The following RAB28 variants were observed in gnomAD, a reference collection of about 807,000 sequenced individuals.
RAB28 encodes the protein ras-related protein Rab-28.
Under a neutral mutation model 31.7 loss-of-function variants are expected in RAB28, and 24 were observed. That is an observed-to-expected ratio of 0.76 (90% CI 0.55 to 1.06). The LOEUF is 1.06. Among genes scored for constraint, RAB28 ranks in the 50% least tolerant of loss-of-function variants. The pLI, the probability that RAB28 is intolerant of heterozygous loss-of-function variation, is 0.00. For synonymous variants in RAB28, 100 were observed against 90.4 expected (o/e 1.11, Z -0.60); for missense variants, 254 against 258.5 (o/e 0.98, Z 0.12).
At chr4:13,453,485 T>C (rs1715085953) in intron 4 of RAB28, among the ~76,000 whole-genome samples, 1 of 152,206 alleles carries the variant, frequency 6.6e-6, no homozygotes, top group Non-Finnish European at 1.5e-5. Flanking sequence ...GGTTACTGTC[T>C]TTGAACTTCC....
At chr4:13,441,126 G>T (rs2108941151) in intron 4 of RAB28, among the ~76,000 whole-genome samples, 1 of 152,226 alleles carries the variant, frequency 6.6e-6, no homozygotes, top group South Asian at 2.1e-4. Context: ...TCTTGTTGTG[G>T]AAGTAAGATG....
chr4:13,467,194 A>G (rs1331366906), intron 3 of RAB28, among the ~76,000 whole-genome samples: 1 of 152,096 alleles, frequency 6.6e-6, no homozygotes, highest in Non-Finnish European at 1.5e-5. Context: ...TAAAAAAGTT[A>G]TAAGTACTTG....
At chr4:13,453,459 G>A (rs1080002) in intron 4 of RAB28, among the ~76,000 whole-genome samples, 8,520 of 151,988 alleles carry the variant, frequency 0.056, 547 homozygotes, top group African/African-American at 0.16. Flanking sequence ...TTAGTTTCAC[G>A]TGTTCTCATG....
chr4:13,404,242 G>C (rs972484478), intron 4 of RAB28, among the ~76,000 whole-genome samples: 2 of 152,146 alleles, frequency 1.3e-5, no homozygotes, highest in Non-Finnish European at 2.9e-5. Flanking sequence ...GCCAGGCGGG[G>C]TGGCGCATGC....
chr4:13,420,223 T>C (rs575631366), intron 4 of RAB28, among the ~76,000 whole-genome samples: 2 of 152,280 alleles, frequency 1.3e-5, no homozygotes, highest in African/African-American at 4.8e-5. Context: ...GCTGAATCTC[T>C]GAATAGACCA....
intron 6 of RAB28, among the ~76,000 whole-genome samples, chr4:13,372,921 G>T (rs1480936447): frequency 6.6e-6 from 1 of 151,910 alleles, no homozygotes; most frequent in African/African-American, 2.4e-5. Context: ...AATTTGAGGG[G>T]ACAATAAGGA....
intron 4 of RAB28, among the ~76,000 whole-genome samples, chr4:13,399,238 C>T (rs1338993435): frequency 2.0e-5 from 3 of 152,082 alleles, no homozygotes; most frequent in Non-Finnish European, 2.9e-5. Flanking sequence ...ATTTTTCGTG[C>T]GTATTGTTTC....
chr4:13,474,652 C>G (rs1441482917), intron 2 of RAB28, among the ~76,000 whole-genome samples: 1 of 151,372 alleles, frequency 6.6e-6, no homozygotes, highest in African/African-American at 2.4e-5. Flanking sequence ...ACCTTCAAAA[C>G]AAAAGAAAAT....
chr4:13,478,526 T>A (rs1015430169), intron 2 of RAB28, among the ~76,000 whole-genome samples: 25 of 151,570 alleles, frequency 1.6e-4, no homozygotes, highest in African/African-American at 6.0e-4. Context: ...TTAACATATT[T>A]CAATAATAAT....
intron 4 of RAB28, among the ~76,000 whole-genome samples, chr4:13,455,257 G>C (rs1368290739): frequency 6.6e-6 from 1 of 152,204 alleles, no homozygotes; most frequent in Admixed American, 6.5e-5. Flanking sequence ...ACCAGCCTGA[G>C]GGTATGTAAG....
At chr4:13,390,900 TAATTCA>T (rs1729598771) in intron 4 of RAB28, among the ~76,000 whole-genome samples, 1 of 152,082 alleles carries the variant, frequency 6.6e-6, no homozygotes, top group African/African-American at 2.4e-5. Context: ...ATACAAAAAT[TAATTCA>T]AGATGGATTA....
At chr4:13,483,957 G>T in intron 1 of RAB28, 119 bp downstream of exon 1, 1 of 937,940 alleles carries the variant, frequency 1.1e-6, no homozygotes, top group Non-Finnish European at 1.6e-6. Flanking sequence ...AACCAGAAGG[G>T]CCCGGGCCTA....
intron 3 of RAB28, among the ~76,000 whole-genome samples, chr4:13,471,209 G>C (rs1378259588): frequency 6.6e-6 from 1 of 151,960 alleles, no homozygotes; most frequent in African/African-American, 2.4e-5. Flanking sequence ...GTAATATAAA[G>C]CATCTATAAC....
intron 4 of RAB28, among the ~76,000 whole-genome samples, chr4:13,454,101 T>C (rs1715158484): frequency 6.6e-6 from 1 of 152,184 alleles, no homozygotes; most frequent in Non-Finnish European, 1.5e-5. Flanking sequence ...AATTCTTTTT[T>C]CTGCATGGTC....
At chr4:13,401,220 AC>A (rs758726409) in intron 4 of RAB28, among the ~76,000 whole-genome samples, 257 of 152,352 alleles carry the variant, frequency 1.7e-3, no homozygotes, top group Non-Finnish European at 2.2e-3. Context: ...CTTTGTGGAA[AC>A]ATTCCAAATT....
intron 3 of RAB28, among the ~76,000 whole-genome samples, chr4:13,463,817 G>A (rs1047312028): frequency 1.3e-5 from 2 of 151,636 alleles, no homozygotes; most frequent in African/African-American, 2.4e-5. Context: ...ATTCTGAGAC[G>A]AAAAAGTGAG....
intron 4 of RAB28, among the ~76,000 whole-genome samples, chr4:13,399,496 C>T (rs1711624111): frequency 6.6e-6 from 1 of 152,148 alleles, no homozygotes; most frequent in Admixed American, 6.5e-5. Flanking sequence ...GAATGTTCAA[C>T]TTTGCAGAAT....
chr4:13,384,213 T>A (rs982458199), intron 4 of RAB28, among the ~76,000 whole-genome samples: 1 of 152,078 alleles, frequency 6.6e-6, no homozygotes. Context: ...GGCACAGACC[T>A]GCACCCGCCA....
rs993452446 is a variant in RAB28 at position 13,445,747 on chromosome 4, T to C, written c.391+14952A>G. Among the ~76,000 whole-genome samples, 19 of 151,780 alleles carry C rather than the reference T, an allele frequency of 1.3e-4. 1 individual carries two copies. Among genetic ancestry groups the C allele is most frequent in the East Asian group, 1.2e-3 (6 of 5,158 alleles). ...CCAGAAGCTTCATCCCAGAGGGGCATTGACCTGATTCCAGCTGGAGCTCTC... is the reference window on the plus strand; with the variant it reads ...CCAGAAGCTTCATCCCAGAGGGGCACTGACCTGATTCCAGCTGGAGCTCTC... On this transcript the variant is annotated intron_variant, in intron 4 of 6. Coordinates refer to ENST00000330852, the MANE Select transcript of RAB28 (RefSeq NM_001017979.3).
Sources: gnomAD v4.1 joint callset for allele counts (sites outside exome capture counted in the v4.1 genomes callset) on GRCh38, gnomAD v4.1.1 for gene constraint, MANE v1.5 for transcripts, NCBI Gene and HGNC (gene_info 2026-07-23, HGNC 2026-07-21) for gene names.